ABCC6: variants seen among roughly 807,000 people sequenced by gnomAD.
ABCC6 encodes ATP binding cassette subfamily C member 6.
A neutral mutation model predicts 169.5 loss-of-function variants in ABCC6; 126 were observed. The observed-to-expected ratio is 0.74, with a 90% CI of 0.64 to 0.86. ABCC6 has a LOEUF of 0.86. Ranked by LOEUF, ABCC6 falls within the 40% of genes least tolerant of loss-of-function variation. ABCC6 has a pLI of 0.00. For synonymous variants in ABCC6, 752 were observed against 814.7 expected (o/e 0.92, Z 1.31); for missense variants, 1,733 against 1,927.2 (o/e 0.90, Z 1.89).
At chr16:16,178,712 G>A in intron 18 of ABCC6, 86 bp downstream of exon 18, 1 of 1,469,250 alleles carries the variant, frequency 6.8e-7, no homozygotes, top group Non-Finnish European at 9.5e-7. Flanking sequence ...GGAAGGGGGA[G>A]GTGAGATAAA....
rs577044609 is a variant in ABCC6 at position 16,166,994 on chromosome 16, C to T, written c.2996-1061G>A. Among the ~76,000 whole-genome samples the T allele has an allele frequency of 3.0e-4, 46 of 152,372 alleles. No individual in the cohort carries two copies. The South Asian group carries it at 8.5e-3, about 28-fold the overall frequency. Reference sequence around the variant, plus strand: ...TTTTAGACTTCAGGCCTCAGAACTGCGACAGAACAAATTTCAATTGTGCTG... The same window carrying T: ...TTTTAGACTTCAGGCCTCAGAACTGTGACAGAACAAATTTCAATTGTGCTG... On this transcript the variant is annotated intron_variant, in intron 22 of 30. Coordinates refer to ENST00000205557, the MANE Select transcript of ABCC6 (RefSeq NM_001171.6).
intron 6 of ABCC6, among the ~76,000 whole-genome samples, chr16:16,210,210 C>A (rs1162318763): frequency 6.7e-6 from 1 of 150,346 alleles, no homozygotes; most frequent in Non-Finnish European, 1.5e-5. Flanking sequence ...GATCTCGGCT[C>A]ACCGCAACCT....
At chr16:16,157,919 T>A in intron 26 of ABCC6, 110 bp from the exon 27 acceptor site, 1 of 1,231,754 alleles carries the variant, frequency 8.1e-7, no homozygotes, top group Non-Finnish European at 1.1e-6. Flanking sequence ...GACGTATTTA[T>A]TGCTGTTTTA....
In ABCC6 at chr16:16,154,713, G is replaced by A. The variant is rs756191351; in HGVS notation, c.4123C>T (p.Leu1375=). 1 of 1,613,616 alleles carries A rather than the reference G, an allele frequency of 6.2e-7. No individual in the cohort carries two copies. Among genetic ancestry groups the A allele is most frequent in the Non-Finnish European group, 8.5e-7 (1 of 1,179,938 alleles). The part of the protein sequence containing the change: ...EHSDEAIWAA[L]ETVQLKALVA... ...AAGGCTTTGAGCTGCACCGTCTCCA[G>A]GGCTGCCCAGATAGCCTCGTCCGAG... is the stretch of plus-strand genomic sequence containing the variant. The change falls in exon 29 of 31, where the codon CTG becomes TTG. Residue 1375 remains leucine, a synonymous_variant. Coordinates refer to ENST00000205557, the MANE Select transcript of ABCC6 (RefSeq NM_001171.6).
rs749568041 is a variant in ABCC6 at position 16,190,195 on chromosome 16, G to A, written c.1604C>T (p.Ser535Leu). 1.1e-5 allele frequency: 18 copies of A among 1,613,874 alleles called. No homozygotes were observed. The highest frequency in any genetic ancestry group is 6.7e-5 in the Admixed American group (4 of 59,982). ...LRTSGLLFSV[S>L]LVSFQVSTFL... is the part of the protein sequence containing the mutation. Reference sequence around the variant, plus strand: ...TGTAGACACTTGGAAGGACACCAGCGACACAGAGAAGAGGAGGCCGGAGGT... The same window carrying A: ...TGTAGACACTTGGAAGGACACCAGCAACACAGAGAAGAGGAGGCCGGAGGT... Residue 535 changes from serine (S) to leucine (L), a missense_variant, in exon 12 of 31, where the codon TCG becomes TTG. Ser to Leu is a moderately radical substitution (Grantham distance 145). This residue lies in a region of ABCC6 where 1,601 missense variants were observed against 1,635.5 expected (regional missense o/e 0.98). Coordinates refer to ENST00000205557, the MANE Select transcript of ABCC6 (RefSeq NM_001171.6).
intron 27 of ABCC6, 72 bp downstream of exon 27, chr16:16,157,591 G>C: frequency 6.3e-7 from 1 of 1,596,472 alleles, no homozygotes; most frequent in South Asian, 1.1e-5. Flanking sequence ...TGGTGCCCAG[G>C]GTTTAGGGCC....
chr16:16,184,901 C>A, intron 15 of ABCC6, 58 bp downstream of exon 15: 1 of 1,537,962 alleles, frequency 6.5e-7, no homozygotes, highest in East Asian at 2.2e-5. Flanking sequence ...GCAGCAGGAG[C>A]CCCATGCATC....
chr16:16,215,438 G>GGGGT (rs1555521737), intron 4 of ABCC6, among the ~76,000 whole-genome samples: 1 of 136,932 alleles, frequency 7.3e-6, no homozygotes, highest in Non-Finnish European at 1.5e-5. Flanking sequence ...TTTAATTTTA[G>GGGGT]GTGTGTGTGT....
At chr16:16,177,394 T>C in intron 19 of ABCC6, 58 bp downstream of exon 19, 1 of 1,597,366 alleles carries the variant, frequency 6.3e-7, no homozygotes, top group Non-Finnish European at 8.6e-7. Context: ...CCTTCGAGCC[T>C]TTTCCCCCAA....
At chr16:16,191,802 C>T (rs192424830) in intron 11 of ABCC6, among the ~76,000 whole-genome samples, 1 of 151,722 alleles carries the variant, frequency 6.6e-6, no homozygotes, top group East Asian at 1.9e-4. Context: ...CCTCCTTCCT[C>T]TCCTCCTTTC....
At chr16:16,197,598 A>G (rs1243739198) in intron 10 of ABCC6, among the ~76,000 whole-genome samples, 1 of 144,884 alleles carries the variant, frequency 6.9e-6, no homozygotes, top group African/African-American at 2.6e-5. Context: ...AGCAGGAGAG[A>G]GGAAGAGGAG....
intron 21 of ABCC6, among the ~76,000 whole-genome samples, chr16:16,172,246 A>C (rs867049096): frequency 1.6e-5 from 2 of 123,142 alleles, no homozygotes; most frequent in Non-Finnish European, 1.8e-5. Flanking sequence ...GGTGGGATGG[A>C]TAAATGGGTG....
chr16:16,213,030 G>A (rs2048693038), intron 5 of ABCC6, among the ~76,000 whole-genome samples: 1 of 151,318 alleles, frequency 6.6e-6, no homozygotes, highest in Non-Finnish European at 1.5e-5. Context: ...TACTCTGGTA[G>A]GTACAAAAAA....
intron 14 of ABCC6, 106 bp from the exon 15 acceptor site, chr16:16,185,140 G>A (rs1025792209): frequency 5.9e-5 from 63 of 1,073,884 alleles, no homozygotes; most frequent in Admixed American, 5.8e-5. Context: ...GGCAGAGGCT[G>A]CAGGAAGAAA....
intron 26 of ABCC6, among the ~76,000 whole-genome samples, chr16:16,158,871 G>A (rs907549188): frequency 6.6e-6 from 1 of 151,938 alleles, no homozygotes; most frequent in African/African-American, 2.4e-5. Flanking sequence ...CGTGTTGCTG[G>A]GATGTTGCTG....
chr16:16,196,803 G>C (rs1307685530), intron 10 of ABCC6, among the ~76,000 whole-genome samples: 1 of 152,202 alleles, frequency 6.6e-6, no homozygotes, highest in African/African-American at 2.4e-5. Context: ...CAAGGCTCAA[G>C]CGATTCTCCT....
In ABCC6 at chr16:16,166,795, TC is replaced by T. The variant is rs2046890080; in HGVS notation, c.2996-863del. 3.9e-5 allele frequency among the ~76,000 whole-genome samples: 6 copies of T among 151,928 alleles called. 1 individual carries two copies. The highest frequency in any genetic ancestry group is 3.3e-4 in the Admixed American group (5 of 15,250). On this transcript the variant is annotated intron_variant, in intron 22 of 30. Coordinates refer to ENST00000205557, the MANE Select transcript of ABCC6 (RefSeq NM_001171.6). Reference sequence around the variant, plus strand: ...AGTCCTAGCTACTCAGGAGGCTGAGTCAGGAGAAACACTGGAACCCAGGAGG... The same window carrying T: ...AGTCCTAGCTACTCAGGAGGCTGAGTAGGAGAAACACTGGAACCCAGGAGG...
chr16:16,152,109 G>A (rs2046402246), intron 29 of ABCC6, among the ~76,000 whole-genome samples: 1 of 134,756 alleles, frequency 7.4e-6, no homozygotes, highest in Admixed American at 7.6e-5. Flanking sequence ...GAAGAATGGT[G>A]TGAACCCGGG....
At chr16:16,157,273 C>T (rs1156306882) in intron 27 of ABCC6, among the ~76,000 whole-genome samples, 1 of 152,172 alleles carries the variant, frequency 6.6e-6, no homozygotes, top group Non-Finnish European at 1.5e-5. Flanking sequence ...TCCCAATTTA[C>T]AGATGGGAAA....
Sources: allele counts gnomAD v4.1 joint callset (sites outside exome capture counted in the v4.1 genomes callset), GRCh38; gene constraint gnomAD v4.1.1; regional missense constraint gnomAD v4.1.1; transcripts MANE v1.5; gene names NCBI Gene and HGNC (gene_info 2026-07-23, HGNC 2026-07-21).